SIGLEC8: variants seen among roughly 807,000 people sequenced by gnomAD.
The protein encoded by SIGLEC8 is sialic acid binding Ig like lectin 8, also known as sialic acid-binding Ig-like lectin 8.
Under a neutral mutation model 42.1 loss-of-function variants are expected in SIGLEC8, and 32 were observed. That is an observed-to-expected ratio of 0.76 (90% confidence interval 0.57 to 1.02). SIGLEC8 has a LOEUF of 1.02. SIGLEC8 is among the 50% of genes least tolerant of loss of function. The pLI, the probability that SIGLEC8 is intolerant of heterozygous loss-of-function variation, is 0.00. For synonymous variants in SIGLEC8, 262 were observed against 260.3 expected (o/e 1.01, Z -0.06); for missense variants, 611 against 610.2 (o/e 1.00, Z -0.01).
chr19:51,457,137 G>A (rs375294965), intron 3 of SIGLEC8, 47 bp downstream of exon 3: 2 of 1,540,632 alleles, frequency 1.3e-6, no homozygotes, highest in African/African-American at 2.7e-5. Context: ...CCCATCCTGA[G>A]CTGAAGGCCC....
chr19:51,456,614 G>A (rs1030897478), intron 3 of SIGLEC8, among the ~76,000 whole-genome samples: 3 of 152,184 alleles, frequency 2.0e-5, no homozygotes, highest in Admixed American at 6.5e-5. Context: ...CCTAGAGGAC[G>A]GGGTGGACAG....
Position 51,452,228 on chromosome 19 carries a change from A to T in SIGLEC8, c.*151T>A, listed in dbSNP as rs1989379675. On this transcript the variant is annotated 3_prime_UTR_variant, in exon 7 of 7. Transcript: ENST00000321424. ...CAACCTCAGAGAGGTCGAGAGGAGA[A>T]TGGTGGGTAGTAGAAGCTAGAGGCA... 3.5e-6 allele frequency: 2 copies of T among 573,158 alleles called. No individual in the cohort carries two copies. The highest frequency in any genetic ancestry group is 6.2e-6 in the Non-Finnish European group (2 of 325,184). 35.5% of individuals were successfully genotyped at this position (573,158 alleles called of 1,614,324 possible).
In SIGLEC8 at chr19:51,458,092, A is replaced by C; in HGVS notation, c.296T>G (p.Leu99Arg). The part of the protein sequence containing the change: ...QAETQGRFQL[L>R]GDIWSNDCSL... The stretch of plus-strand genomic sequence containing the variant: ...GCAGTCGTTGCTCCAAATGTCCCCA[A>C]GGAGTTGGAATCGGCCCTGGGTCTC... Residue 99 changes from leucine to arginine, a missense_variant, in exon 1 of 7, where the codon CTT (leucine) becomes CGT (arginine). Leu to Arg is a moderately radical substitution (Grantham distance 102). Coordinates refer to ENST00000321424, the MANE Select transcript of SIGLEC8 (RefSeq NM_014442.3). The C allele has an allele frequency of 6.2e-7, 1 of 1,614,082 alleles. No individual in the cohort carries two copies. The highest frequency in any genetic ancestry group is 1.1e-5 in the South Asian group (1 of 91,078).
At chr19:51,457,034 C>T (rs890178678) in intron 3 of SIGLEC8, 150 bp downstream of exon 3, 5 of 741,984 alleles carry the variant, frequency 6.7e-6, no homozygotes, top group South Asian at 1.4e-5. Flanking sequence ...CAGATGGTCA[C>T]GCGGGCTGGA....
At chr19:51,457,342 CCA>C in intron 2 of SIGLEC8, 111 bp from the exon 3 acceptor site, 1 of 1,499,382 alleles carries the variant, frequency 6.7e-7, no homozygotes, top group South Asian at 1.2e-5. Context: ...TCTCCTGACC[CCA>C]CTCCCAGCCC....
rs780098306 is a variant in SIGLEC8, at chr19:51,458,185, C to T, written c.203G>A (p.Arg68Gln). ...GTCTTGGTATGGTCTGTCTCCTGCC[C>T]GGAACCAGTAGCCATGAACTGGGTC... ...DSDPVHGYWFRAGDRPYQDAP... is the reference protein window; with the variant it reads ...DSDPVHGYWFQAGDRPYQDAP... Residue 68 changes from arginine (R) to glutamine (Q), a missense_variant, in exon 1 of 7, where the codon CGG (arginine) becomes CAG (glutamine). Coordinates refer to ENST00000321424, the MANE Select transcript of SIGLEC8 (RefSeq NM_014442.3). 42 of 1,613,962 alleles carry T rather than the reference C, an allele frequency of 2.6e-5. No homozygotes were observed. The highest frequency in any genetic ancestry group is 9.3e-5 in the African/African-American group (7 of 74,870).
Position 51,457,182 on chromosome 19 carries a change from A to C in SIGLEC8, c.781+2T>G. The stretch of plus-strand genomic sequence containing the variant: ...AACCCCAGGGAGGGGGCTCTGTCCT[A>C]CCTGTGGCATCTCCTTGGAAGACAG... On this transcript the variant is annotated splice_donor_variant, in intron 3 of 6. Transcript: ENST00000321424. LOFTEE classifies it high-confidence loss of function. 6.2e-7 allele frequency: 1 copy of C among 1,613,512 alleles called. No homozygotes were observed.
In SIGLEC8 at chr19:51,455,612, TTGACAGCACAGAC is replaced by T; in HGVS notation, c.844_856del (p.Val282ThrfsTer8). ...GCTCAGCCTGGCAGGGGGATTGCTG[TTGACAGCACAGAC>T]CAGGCGCAGAGACTGGCCCTCAAGG... On this transcript the variant is annotated frameshift_variant, in exon 4 of 7. Transcript: ENST00000321424. LOFTEE classifies it high-confidence loss of function. The T allele has an allele frequency of 6.2e-7, 1 of 1,614,114 alleles. No individual in the cohort carries two copies.
At position 51,452,310 on chromosome 19, in the gene SIGLEC8, A is replaced by C; in HGVS notation, c.*69T>G. ...AGACATTGGTCCAAGTTTTGGTTAG[A>C]CAGGAGGAGGGAGCCCTGGTGACCT... On this transcript the variant is annotated 3_prime_UTR_variant, in exon 7 of 7. Coordinates refer to ENST00000321424, the MANE Select transcript of SIGLEC8 (RefSeq NM_014442.3). The C allele has an allele frequency of 7.2e-7, 1 of 1,389,178 alleles. No homozygotes were observed. The highest frequency in any genetic ancestry group is 9.7e-7 in the Non-Finnish European group (1 of 1,025,674). The allele number at this position is 1,389,178 out of a possible 1,614,324, so 86.1% of individuals were successfully genotyped here.
Position 51,458,267 on chromosome 19 carries a change from G to C in SIGLEC8, c.121C>G (p.Leu41Val), listed in dbSNP as rs267605614. Residue 41 changes from leucine to valine, a missense_variant, in exon 1 of 7, where the codon CTG (leucine) becomes GTG (valine). By Grantham distance (32) the Leu-to-Val change is conservative. Transcript: ENST00000321424. ...VQELVTVQEG[L>V]CVHVPCSFSY... ...AAGGAGCAGGGCACATGGACACACA[G>C]GCCCTCCTGCACCGTCACCAGCTCC... The C allele has an allele frequency of 6.2e-7, 1 of 1,614,114 alleles. No homozygotes were observed. Among genetic ancestry groups the C allele is most frequent in the Non-Finnish European group, 8.5e-7 (1 of 1,179,996 alleles).
At position 51,457,046 on chromosome 19, in the gene SIGLEC8, A is replaced by C. The variant is rs1989510990; in HGVS notation, c.781+138T>G. On this transcript the variant is annotated intron_variant, in intron 3 of 6. Coordinates refer to ENST00000321424, the MANE Select transcript of SIGLEC8 (RefSeq NM_014442.3). The stretch of plus-strand genomic sequence containing the variant: ...GCTCAGATGGTCACGCGGGCTGGAG[A>C]TGTGGGCTCTTGTGCCCTGGGCTCA... The C allele has an allele frequency of 5.0e-6, 4 of 798,810 alleles. No homozygotes were observed. In the Admixed American group the frequency reaches 7.1e-5, roughly 14 times the overall value. The allele number at this position is 798,810 out of a possible 1,614,324, so 49.5% of individuals were successfully genotyped here. A position where few individuals can be genotyped will look rare whatever the true frequency, so the allele number is the denominator to read the frequency against.
intron 6 of SIGLEC8, among the ~76,000 whole-genome samples, chr19:51,452,866 C>T (rs1348234236): frequency 6.6e-6 from 1 of 152,140 alleles, no homozygotes; most frequent in Non-Finnish European, 1.5e-5. Flanking sequence ...ATTATTATCT[C>T]CACTTTATAA....
intron 3 of SIGLEC8, among the ~76,000 whole-genome samples, chr19:51,456,277 G>A (rs1461854932): frequency 2.0e-5 from 3 of 152,112 alleles, no homozygotes; most frequent in African/African-American, 7.2e-5. Context: ...TCCAGAGAAA[G>A]AGGAAGGACA....
Position 51,452,547 on chromosome 19 carries a change from C to T in SIGLEC8, c.1332G>A (p.Glu444=). ...GGAAGCTGAGGGTTGCATAATGGAG[C>T]TCTCCTTCCTCCCCTGACGAGGGGG... ...AVAPSSGEEG[E]LHYATLSFHK... is the part of the protein sequence containing the mutation. Residue 444 remains glutamate, a synonymous_variant, in exon 7 of 7, where the codon GAG becomes GAA. Transcript: ENST00000321424. The T allele has an allele frequency of 6.3e-7, 1 of 1,593,042 alleles. No individual in the cohort carries two copies. Among genetic ancestry groups the T allele is most frequent in the Non-Finnish European group, 8.6e-7 (1 of 1,162,866 alleles).
At position 51,452,460 on chromosome 19, in the gene SIGLEC8, G is replaced by T. The variant is rs748042273; in HGVS notation, c.1419C>A (p.Ile473=). Residue 473 remains isoleucine, a synonymous_variant, in exon 7 of 7, where the codon ATC becomes ATA. Coordinates refer to ENST00000321424, the MANE Select transcript of SIGLEC8 (RefSeq NM_014442.3). ...CTGCAGTTTCTCGCTTGTGGATCTT[G>T]ATCTCCGAGTATTCACTGTCAGTGG... ...QEATDSEYSE[I]KIHKRETAET... The T allele has an allele frequency of 6.2e-7, 1 of 1,612,916 alleles. No homozygotes were observed. Among genetic ancestry groups the T allele is most frequent in the Non-Finnish European group, 8.5e-7 (1 of 1,178,964 alleles).
chr19:51,456,453 A>G (rs2122148930), intron 3 of SIGLEC8, among the ~76,000 whole-genome samples: 1 of 152,354 alleles, frequency 6.6e-6, no homozygotes, highest in South Asian at 2.1e-4. Flanking sequence ...TTTTGCTTTT[A>G]GGAATTTATC....
chr19:51,456,895 C>T (rs912017859), intron 3 of SIGLEC8, among the ~76,000 whole-genome samples: 6 of 152,118 alleles, frequency 3.9e-5, no homozygotes, highest in South Asian at 2.1e-4. Flanking sequence ...AAAATAAAAA[C>T]GAACAAAAAC....
At position 51,455,542 on chromosome 19, in the gene SIGLEC8, G is replaced by C. The variant is rs768052077; in HGVS notation, c.927C>G (p.Asn309Lys). 1.9e-6 allele frequency: 3 copies of C among 1,614,016 alleles called. No homozygotes were observed. In the African/African-American group the frequency reaches 4.0e-5, roughly 22 times the overall value. The change falls in exon 4 of 7, where the codon AAC becomes AAG. Residue 309 changes from asparagine (N) to lysine (K), a missense_variant. Physicochemically the swap from Asn to Lys is moderately conservative, Grantham distance 94. Coordinates refer to ENST00000321424, the MANE Select transcript of SIGLEC8 (RefSeq NM_014442.3). ...CTCGAGGCAGCTCCAGCAGCCCAGG[G>C]TTTGAGGACCGTGAGGGGCACAGGG... ...SLTLCPSRSS[N>K]PGLLELPRVH...
chr19:51,457,982 T>C lies in SIGLEC8; in HGVS notation c.406A>G (p.Lys136Glu). The change falls in exon 1 of 7, where the codon AAA (lysine) becomes GAA (glutamate). Residue 136 changes from lysine to glutamate, a missense_variant. By Grantham distance (56) the Lys-to-Glu change is moderately conservative. Coordinates refer to ENST00000321424, the MANE Select transcript of SIGLEC8 (RefSeq NM_014442.3). ...TTAGTTTTGTAATTCAACTGTGATT[T>C]GTAACTCCATTTCATGCTTCCTCTC... ...LERGSMKWSY[K>E]SQLNYKTKQL... 6.2e-7 allele frequency: 1 copy of C among 1,614,164 alleles called. No homozygotes were observed.
Sources: gnomAD v4.1 joint callset for allele counts (sites outside exome capture counted in the v4.1 genomes callset) on GRCh38, gnomAD v4.1.1 for gene constraint, MANE v1.5 for transcripts, NCBI Gene and HGNC (gene_info 2026-07-23, HGNC 2026-07-21) for gene names.